Variants in PXDC1 observed in about 807,000 individuals in gnomAD.
PXDC1 encodes the protein PX domain-containing protein 1.
Under a neutral mutation model 24.4 loss-of-function variants are expected in PXDC1, and 13 were observed. The observed-to-expected ratio is 0.53, with a 90% CI of 0.35 to 0.85. The LOEUF is 0.85. Among genes scored for constraint, PXDC1 ranks in the 40% least tolerant of loss-of-function variants. The pLI is 0.01. For missense variants in PXDC1, 344 were observed against 309.3 expected, an observed-to-expected ratio of 1.11 and a Z score of -0.84; for synonymous variants, 162 against 124.9, an observed-to-expected ratio of 1.30 and a Z score of -1.98.
intron 3 of PXDC1, among the ~76,000 whole-genome samples, chr6:3,733,449 G>A (rs531566505): frequency 2.0e-5 from 3 of 152,268 alleles, no homozygotes; most frequent in South Asian, 2.1e-4. Flanking sequence ...TGGGTGTACC[G>A]CCTCGCCACC....
At chr6:3,744,686 A>G (rs1760525434) in intron 1 of PXDC1, among the ~76,000 whole-genome samples, 1 of 152,134 alleles carries the variant, frequency 6.6e-6, no homozygotes, top group Non-Finnish European at 1.5e-5. Flanking sequence ...TGCACTTGGC[A>G]ATTCTTGTTT....
chr6:3,739,139 T>G (rs1760398480), intron 1 of PXDC1: 2 of 1,168,164 alleles, frequency 1.7e-6, no homozygotes, highest in Non-Finnish European at 2.1e-6. Context: ...CTGTTCAGTT[T>G]TCAAGCAATT....
chr6:3,743,831 T>C (rs1208636392), intron 1 of PXDC1, among the ~76,000 whole-genome samples: 1 of 152,130 alleles, frequency 6.6e-6, no homozygotes, highest in African/African-American at 2.4e-5. Context: ...CTGCAATGCA[T>C]CAGGGGCGCC....
chr6:3,743,002 C>A (rs1483669790), intron 1 of PXDC1, among the ~76,000 whole-genome samples: 1 of 152,196 alleles, frequency 6.6e-6, no homozygotes, highest in Admixed American at 6.5e-5. Context: ...GCGCTGGAGG[C>A]AGTACAAAAA....
Position 3,737,119 on chromosome 6 carries a change from A to G in PXDC1, c.426T>C (p.His142=). 2 of 1,613,580 alleles carry G rather than the reference A, an allele frequency of 1.2e-6. No homozygotes were observed. The highest frequency in any genetic ancestry group is 1.7e-6 in the Non-Finnish European group (2 of 1,179,510). Residue 142 remains histidine (H), a synonymous_variant, in exon 3 of 5, where the codon CAT becomes CAC. Transcript: ENST00000380283. The surrounding 1 kb of genome is among the most constrained non-coding windows in gnomAD (Gnocchi z 5.5). ...LDQVLKNDNV[H]KIQPSFQSPV... ...GACTTTGAAAGCTGGGTTGAATTTT[A>G]TGCACATTATCATTTTTTAACACCT...
At position 3,724,800 on chromosome 6, in the gene PXDC1, C is replaced by T. The variant is rs949283925; in HGVS notation, c.579-1064G>A. 5.3e-5 allele frequency among the ~76,000 whole-genome samples: 8 copies of T among 152,226 alleles called. No individual in the cohort carries two copies. Among genetic ancestry groups the T allele is most frequent in the African/African-American group, 9.7e-5 (4 of 41,450 alleles). On this transcript the variant is annotated intron_variant, in intron 4 of 4. Coordinates refer to ENST00000380283, the MANE Select transcript of PXDC1 (RefSeq NM_183373.4). The surrounding 1 kb of genome is among the most constrained non-coding windows in gnomAD (Gnocchi z 4.5). ...TGGCCGGACACACAACAAGGCAGGGCGAGCATATGTCCCCCACAAACCTAG... is the reference window on the plus strand; with the variant it reads ...TGGCCGGACACACAACAAGGCAGGGTGAGCATATGTCCCCCACAAACCTAG...
intron 1 of PXDC1, among the ~76,000 whole-genome samples, chr6:3,749,583 C>T (rs558328772): frequency 1.2e-4 from 18 of 151,596 alleles, no homozygotes; most frequent in African/African-American, 4.1e-4. Context: ...GTATTTCCAC[C>T]AGCGTGGATG....
chr6:3,751,248 C>T, intron 1 of PXDC1, 28 bp downstream of exon 1: 2 of 1,431,274 alleles, frequency 1.4e-6, no homozygotes, highest in Non-Finnish European at 1.8e-6. Flanking sequence ...CTCGGCCCCG[C>T]GCCCCTCCCG....
At position 3,724,271 on chromosome 6, in the gene PXDC1, T is replaced by C. The variant is rs1370694879; in HGVS notation, c.579-535A>G. ...ACCTTCTAGCGGGGAAGCCTGCATGTGGGTACGTGTTTCATTCGCGCTCTG... is the reference window on the plus strand; with the variant it reads ...ACCTTCTAGCGGGGAAGCCTGCATGCGGGTACGTGTTTCATTCGCGCTCTG... On this transcript the variant is annotated intron_variant, in intron 4 of 4. Coordinates refer to ENST00000380283, the MANE Select transcript of PXDC1 (RefSeq NM_183373.4). The surrounding 1 kb of genome is among the most constrained non-coding windows in gnomAD (Gnocchi z 4.5). 6.6e-6 allele frequency among the ~76,000 whole-genome samples: 1 copy of C among 151,878 alleles called. No homozygotes were observed. The highest frequency in any genetic ancestry group is 1.9e-4 in the East Asian group (1 of 5,154).
intron 1 of PXDC1, chr6:3,739,040 G>A (rs987426424): frequency 4.1e-6 from 5 of 1,211,216 alleles, no homozygotes; most frequent in South Asian, 2.9e-5. Context: ...TGATTACTGC[G>A]ATTACTTTTG....
At position 3,725,650 on chromosome 6, in the gene PXDC1, T is replaced by C. The variant is rs1006223442; in HGVS notation, c.578+1901A>G. On this transcript the variant is annotated intron_variant, in intron 4 of 4. Coordinates refer to ENST00000380283, the MANE Select transcript of PXDC1 (RefSeq NM_183373.4). The surrounding 1 kb of genome is among the most constrained non-coding windows in gnomAD (Gnocchi z 4.8). ...CAGGGAGGACAGCCACGCAGGGAGG[T>C]GAAGCCTCCAGTTCCACAAAGGGTG... 1.3e-5 allele frequency among the ~76,000 whole-genome samples: 2 copies of C among 151,720 alleles called. No homozygotes were observed. Among genetic ancestry groups the C allele is most frequent in the Non-Finnish European group, 1.5e-5 (1 of 67,966 alleles).
At chr6:3,731,047 A>G (rs1301652325) in intron 3 of PXDC1, among the ~76,000 whole-genome samples, 1 of 152,270 alleles carries the variant, frequency 6.6e-6, no homozygotes, top group African/African-American at 2.4e-5. Flanking sequence ...TGAGGGCTCA[A>G]TAAAGAGTCC....
In PXDC1 at chr6:3,727,394, G is replaced by A. The variant is rs551635926; in HGVS notation, c.578+157C>T. On this transcript the variant is annotated intron_variant, in intron 4 of 4. Coordinates refer to ENST00000380283, the MANE Select transcript of PXDC1 (RefSeq NM_183373.4). ...CTCATCAAGATCTCACCAGACTCTA[G>A]GAAAGGCAAACTTCTAAAATCAGTG... Among the ~76,000 whole-genome samples, 3 of 152,332 alleles carry A rather than the reference G, an allele frequency of 2.0e-5. No homozygotes were observed. The East Asian group carries it at 5.8e-4, about 29-fold the overall frequency.
chr6:3,729,194 A>G (rs1029920494), intron 3 of PXDC1, among the ~76,000 whole-genome samples: 1 of 152,064 alleles, frequency 6.6e-6, no homozygotes, highest in African/African-American at 2.4e-5. Flanking sequence ...ATTCCCGTGT[A>G]TGGATTTGCT....
chr6:3,740,876 T>C (rs191143323), intron 1 of PXDC1, among the ~76,000 whole-genome samples: 25 of 152,376 alleles, frequency 1.6e-4, no homozygotes, highest in Non-Finnish European at 3.2e-4. Flanking sequence ...TGCCTTCACC[T>C]GGGGGTCTCC....
In PXDC1 at chr6:3,723,621, A is replaced by G. The variant is rs762294065; in HGVS notation, c.694T>C (p.Ter232ArgextTer63). Residue 232 changes from the stop codon to arginine (R), a stop_lost, in exon 5 of 5, where the codon TGA becomes CGA. Transcript: ENST00000380283. Reference protein sequence around the residue: ...LVPFETDIWD* With the variant: ...LVPFETDIWDR ...CGGGGGAGGCCTGATAGAGAGGTTC[A>G]GTCCCAAATGTCTGTCTCGAAGGGG... 1 of 1,610,954 alleles carries G rather than the reference A, an allele frequency of 6.2e-7. No homozygotes were observed. The highest frequency in any genetic ancestry group is 1.1e-5 in the South Asian group (1 of 91,002).
At chr6:3,749,538 T>G (rs544610549) in intron 1 of PXDC1, among the ~76,000 whole-genome samples, 4 of 150,438 alleles carry the variant, frequency 2.7e-5, no homozygotes, top group African/African-American at 9.8e-5. Context: ...CCAGGGTGTG[T>G]GCAGGGCACG....
chr6:3,751,509 C>T lies in PXDC1; in HGVS notation c.23G>A (p.Gly8Asp). The T allele has an allele frequency of 6.3e-7, 1 of 1,597,932 alleles. No homozygotes were observed. Residue 8 changes from glycine (G) to aspartate (D), a missense_variant, in exon 1 of 5, where the codon GGC becomes GAC. Transcript: ENST00000380283. Reference protein sequence around the residue: MASAVFEGTSLVNMFVRG... With the variant: MASAVFEDTSLVNMFVRG... Reference sequence around the variant, plus strand: ...CACGAACATGTTCACGAGCGACGTGCCCTCAAACACCGCCGAGGCCATGTC... The same window carrying T: ...CACGAACATGTTCACGAGCGACGTGTCCTCAAACACCGCCGAGGCCATGTC...
At chr6:3,750,922 G>C (rs879302265) in intron 1 of PXDC1, among the ~76,000 whole-genome samples, 1 of 151,914 alleles carries the variant, frequency 6.6e-6, no homozygotes, top group South Asian at 2.1e-4. Flanking sequence ...TACCGGGCAG[G>C]GGGCTAGGGC....
Sources: gnomAD v4.1 joint callset for allele counts (sites outside exome capture counted in the v4.1 genomes callset) on GRCh38, gnomAD v4.1.1 for gene constraint, Gnocchi (gnomAD v3.1) non-coding constraint, MANE v1.5 for transcripts, NCBI Gene and HGNC (gene_info 2026-07-23, HGNC 2026-07-21) for gene names.